The following LEKR1 variants were observed in gnomAD, a reference collection of about 807,000 sequenced individuals.
LEKR1 encodes protein LEKR1.
Under a neutral mutation model 72.4 loss-of-function variants are expected in LEKR1, and 59 were observed. That is an observed-to-expected ratio of 0.82 (90% CI 0.66 to 1.01). The LOEUF (loss-of-function observed/expected upper bound fraction) is 1.01, where lower values mean the gene tolerates loss of function less well. LEKR1 is among the 50% of genes least tolerant of loss of function. The probability of loss-of-function intolerance (pLI) is 0.00; values close to 1 mark genes in which losing one functional copy is unlikely to be tolerated. For synonymous variants in LEKR1, 257 were observed against 263.2 expected, an observed-to-expected ratio of 0.98 and a Z score of 0.23; for missense variants, 728 against 759.2, an observed-to-expected ratio of 0.96 and a Z score of 0.48.
intron 3 of LEKR1, among the ~76,000 whole-genome samples, chr3:156,881,131 T>G (rs1420647541): frequency 6.6e-6 from 1 of 152,208 alleles, no homozygotes; most frequent in Non-Finnish European, 1.5e-5. Context: ...TTCAACATAG[T>G]GTTGGAAGTT....
At chr3:156,942,760 A>G (rs1162028686) in intron 6 of LEKR1, 46 bp downstream of exon 6, 1 of 829,384 alleles carries the variant, frequency 1.2e-6, no homozygotes, top group Non-Finnish European at 1.7e-6. Context: ...TTATATAAGT[A>G]CATGAATAAA....
At chr3:157,042,229 A>G (rs756516722) in intron 12 of LEKR1, among the ~76,000 whole-genome samples, 17 of 152,218 alleles carry the variant, frequency 1.1e-4, no homozygotes, top group Admixed American at 2.6e-4. Flanking sequence ...TTTTCAATTC[A>G]GGGGTCCTCC....
At chr3:157,033,014 T>C (rs1734727882) in intron 12 of LEKR1, among the ~76,000 whole-genome samples, 2 of 152,156 alleles carry the variant, frequency 1.3e-5, no homozygotes, top group Admixed American at 1.3e-4. Context: ...ATTACACTTG[T>C]TTGTGGGTGC....
chr3:156,983,628 A>ACAAT (rs78009509), intron 7 of LEKR1, among the ~76,000 whole-genome samples: 4,795 of 152,148 alleles, frequency 0.032, 107 homozygotes, highest in Non-Finnish European at 0.046. Flanking sequence ...TCAATACCCT[A>ACAAT]CAATCAGCCC....
chr3:156,848,066 A>C (rs1171301978), intron 2 of LEKR1, among the ~76,000 whole-genome samples: 1 of 152,204 alleles, frequency 6.6e-6, no homozygotes. Flanking sequence ...AACTGCAATT[A>C]ATAGGCAAGG....
chr3:156,983,531 A>G (rs1560126212), intron 7 of LEKR1, among the ~76,000 whole-genome samples: 1 of 151,656 alleles, frequency 6.6e-6, no homozygotes. Flanking sequence ...TTTTTAATGC[A>G]CTCCCCACAT....
intron 3 of LEKR1, among the ~76,000 whole-genome samples, chr3:156,893,460 T>A (rs1444075090): frequency 6.6e-6 from 1 of 152,216 alleles, no homozygotes; most frequent in African/African-American, 2.4e-5. Context: ...AAACCTCATG[T>A]TGAAATGTAA....
chr3:157,029,384 G>A (rs987418852), intron 12 of LEKR1, among the ~76,000 whole-genome samples: 2 of 151,910 alleles, frequency 1.3e-5, no homozygotes, highest in African/African-American at 2.4e-5. Flanking sequence ...TTATTTACAT[G>A]TTACAAATGA....
At chr3:156,859,412 G>A (rs956527145) in intron 3 of LEKR1, among the ~76,000 whole-genome samples, 2 of 152,024 alleles carry the variant, frequency 1.3e-5, no homozygotes, top group East Asian at 1.9e-4. Context: ...ACTTCACAAC[G>A]TTTTATACTG....
In LEKR1 at chr3:156,993,077, T is replaced by C; in HGVS notation, c.909T>C (p.His303=). 6.3e-7 allele frequency: 1 copy of C among 1,579,782 alleles called. No homozygotes were observed. Among genetic ancestry groups the C allele is most frequent in the South Asian group, 1.2e-5 (1 of 86,502 alleles). Residue 303 remains histidine (H), a synonymous_variant, in exon 9 of 13, where the codon CAT becomes CAC. Transcript: ENST00000356539. ...TGTTTTTCCTATTTCTTTTTAGGCA[T>C]ACTATGCTGCTTAAGGAAAAAGAAG... ...KFESIISESQ[H]TMLLKEKEDS...
chr3:157,028,733 G>A (rs1577018139), intron 12 of LEKR1, among the ~76,000 whole-genome samples: 1 of 152,200 alleles, frequency 6.6e-6, no homozygotes, highest in East Asian at 1.9e-4. Flanking sequence ...TTGTTTTAAC[G>A]TTAAATTGTT....
At chr3:156,946,146 G>T (rs933742525) in intron 6 of LEKR1, among the ~76,000 whole-genome samples, 1 of 150,518 alleles carries the variant, frequency 6.6e-6, no homozygotes, top group African/African-American at 2.4e-5. Flanking sequence ...TTTCATTTTG[G>T]AGAACTTTTA....
At chr3:157,010,132 G>T (rs1486657998) in intron 9 of LEKR1, among the ~76,000 whole-genome samples, 1 of 151,442 alleles carries the variant, frequency 6.6e-6, no homozygotes, top group East Asian at 1.9e-4. Flanking sequence ...CTACCTTGAG[G>T]TTTATTAATT....
In LEKR1 at chr3:157,017,948, C is replaced by CAAAAAAAAAAAAAAAAAAA. The variant is rs58950224; in HGVS notation, c.1203+6448_1203+6466dup. ...TGGGCCACAGAGCGAGACTCTGTCT[C>CAAAAAAAAAAAAAAAAAAA]AAAAAAAAAAAAAAAAAAAAAAAAG... On this transcript the variant is annotated intron_variant, in intron 10 of 12. Coordinates refer to ENST00000356539, the MANE Select transcript of LEKR1 (RefSeq NM_001004316.3). Among the ~76,000 whole-genome samples the CAAAAAAAAAAAAAAAAAAA allele has an allele frequency of 2.3e-4, 19 of 82,962 alleles. 1 individual carries two copies. The highest frequency in any genetic ancestry group is 1.2e-3 in the African/African-American group (16 of 13,794). The allele number at this position is 82,962 out of a possible 152,430, so 54.4% of individuals were successfully genotyped here. A position where few individuals can be genotyped will look rare whatever the true frequency, so the allele number is the denominator to read the frequency against.
intron 10 of LEKR1, among the ~76,000 whole-genome samples, chr3:157,014,030 T>A (rs1442533122): frequency 6.6e-6 from 1 of 152,078 alleles, no homozygotes; most frequent in Non-Finnish European, 1.5e-5. Flanking sequence ...TGTCATGGAT[T>A]TTTATTTATT....
intron 3 of LEKR1, among the ~76,000 whole-genome samples, chr3:156,899,272 ATG>A (rs960694557): frequency 2.1e-5 from 3 of 146,330 alleles, no homozygotes; most frequent in African/African-American, 7.5e-5. Context: ...ATATACACAC[ATG>A]TATATATATA....
intron 3 of LEKR1, among the ~76,000 whole-genome samples, chr3:156,893,487 TG>T (rs1433784221): frequency 6.6e-6 from 1 of 152,144 alleles, no homozygotes; most frequent in African/African-American, 2.4e-5. Flanking sequence ...GTGTTGGAGG[TG>T]GGGCCTGGTG....
At chr3:156,915,419 A>AT (rs146567181) in intron 3 of LEKR1, among the ~76,000 whole-genome samples, 21,979 of 147,282 alleles carry the variant, frequency 0.15, 1,940 homozygotes, top group African/African-American at 0.24. Context: ...AGCATCTGTT[A>AT]TTTTTTTTTT....
chr3:156,831,664 C>G (rs1712422068), intron 2 of LEKR1, among the ~76,000 whole-genome samples: 1 of 152,108 alleles, frequency 6.6e-6, no homozygotes, highest in Non-Finnish European at 1.5e-5. Flanking sequence ...CAGGGGCGCT[C>G]CTCTTTATAA....
Sources: gnomAD v4.1 joint callset for allele counts (sites outside exome capture counted in the v4.1 genomes callset) on GRCh38, gnomAD v4.1.1 for gene constraint, MANE v1.5 for transcripts, NCBI Gene and HGNC (gene_info 2026-07-23, HGNC 2026-07-21) for gene names.